NEK4: variants seen among roughly 807,000 people sequenced by gnomAD.
The protein encoded by NEK4 is NIMA related kinase 4.
Under a neutral mutation model 98.4 loss-of-function variants are expected in NEK4, and 86 were observed. The observed-to-expected ratio is 0.87, with a 90% CI of 0.73 to 1.05. The LOEUF (loss-of-function observed/expected upper bound fraction) is 1.05. Ranked by LOEUF, NEK4 falls within the 50% of genes least tolerant of loss-of-function variation. NEK4 has a pLI of 0.00. For synonymous variants in NEK4, 328 were observed against 342.2 expected (o/e 0.96, Z 0.46); for missense variants, 898 against 950.3 (o/e 0.94, Z 0.72).
chr3:52,733,019 ATTC>A (rs2097371404), intron 15 of NEK4: 3 of 210,024 alleles, frequency 1.4e-5, no homozygotes, highest in African/African-American at 7.0e-5. Flanking sequence ...CTTCAAAAAA[ATTC>A]TTCTAGTGTT....
intron 4 of NEK4, among the ~76,000 whole-genome samples, chr3:52,765,240 A>G (rs917032520): frequency 6.6e-6 from 1 of 151,998 alleles, no homozygotes. Context: ...AATCCCAGCT[A>G]CTTGGTAAGC....
At chr3:52,757,755 CAT>C (rs1012352047) in intron 6 of NEK4, among the ~76,000 whole-genome samples, 1 of 152,118 alleles carries the variant, frequency 6.6e-6, no homozygotes, top group African/African-American at 2.4e-5. Context: ...GTAATTCTGA[CAT>C]ATGTCACAAC....
chr3:52,765,768 T>C (rs1698534143), intron 4 of NEK4, 119 bp downstream of exon 4: 5 of 655,100 alleles, frequency 7.6e-6, no homozygotes, highest in South Asian at 1.9e-5. Context: ...TTGTTAACTA[T>C]CAACCCAATC....
chr3:52,764,037 C>A (rs912026088), intron 4 of NEK4, among the ~76,000 whole-genome samples: 2 of 152,320 alleles, frequency 1.3e-5, no homozygotes, highest in South Asian at 4.1e-4. Flanking sequence ...GTAATCCCAG[C>A]ACTTTGGGAG....
intron 7 of NEK4, among the ~76,000 whole-genome samples, chr3:52,750,826 G>T (rs1293818494): frequency 6.6e-6 from 1 of 152,108 alleles, no homozygotes. Flanking sequence ...AGCTACTCAG[G>T]AGGCTGAGGC....
chr3:52,766,312 T>C lies in NEK4; in HGVS notation c.424A>G (p.Thr142Ala). 1 of 1,614,118 alleles carries C rather than the reference T, an allele frequency of 6.2e-7. No homozygotes were observed. The change falls in exon 3 of 16, where the codon ACA becomes GCA. Residue 142 changes from threonine to alanine, a missense_variant. By Grantham distance (58) the Thr-to-Ala change is moderately conservative (BLOSUM62 0). Transcript: ENST00000233027. Reference protein sequence around the residue: ...LKTQNVFLTRTNIIKVGDLGI... With the variant: ...LKTQNVFLTRANIIKVGDLGI... ...AGGTCCCCTACTTTGATGATGTTTG[T>C]TCTTGTTAGGAAGACATTTTGAGTT...
intron 1 of NEK4, 75 bp from the exon 2 acceptor site, chr3:52,768,679 C>T (rs1268829624): frequency 1.4e-6 from 2 of 1,417,858 alleles, no homozygotes; most frequent in Non-Finnish European, 1.9e-6. Context: ...TCTAAGGGCT[C>T]TCAAGAATAC....
chr3:52,759,863 G>GA (rs1698294112), intron 6 of NEK4, among the ~76,000 whole-genome samples: 1 of 152,088 alleles, frequency 6.6e-6, no homozygotes, highest in Admixed American at 6.5e-5. Flanking sequence ...GATAAACAGT[G>GA]GTATATCCAC....
intron 5 of NEK4, among the ~76,000 whole-genome samples, chr3:52,762,880 CA>C (rs546388079): frequency 2.0e-5 from 3 of 148,914 alleles, no homozygotes; most frequent in Admixed American, 6.7e-5. Context: ...GACTCCATCT[CA>C]AAAAAAAACA....
intron 2 of NEK4, among the ~76,000 whole-genome samples, chr3:52,766,858 C>T (rs942881748): frequency 7.2e-5 from 11 of 151,934 alleles, no homozygotes; most frequent in African/African-American, 1.9e-4. Flanking sequence ...CAGTGGCGGG[C>T]GCCTGTAGTC....
At chr3:52,752,900 C>CAAAAAAAAAAAAAAAAAAAAAA (rs71087016) in intron 6 of NEK4, among the ~76,000 whole-genome samples, 3 of 49,930 alleles carry the variant, frequency 6.0e-5, no homozygotes, top group Non-Finnish European at 7.7e-5. Flanking sequence ...AACCCTGCCT[C>CAAAAAAAAAAAAAAAAAAAAAA]AAAAAAAAAA....
intron 15 of NEK4, among the ~76,000 whole-genome samples, chr3:52,724,901 T>C (rs978611907): frequency 3.9e-5 from 6 of 152,188 alleles, no homozygotes; most frequent in Admixed American, 3.9e-4. Context: ...TATACATATA[T>C]CAGAACATCA....
intron 15 of NEK4, among the ~76,000 whole-genome samples, chr3:52,718,914 C>T (rs773273855): frequency 1.3e-5 from 2 of 152,204 alleles, no homozygotes; most frequent in East Asian, 1.9e-4. Context: ...TGCCCCACCA[C>T]GCCTGGCTAA....
At chr3:52,755,127 A>C (rs975346680) in intron 6 of NEK4, among the ~76,000 whole-genome samples, 1 of 151,800 alleles carries the variant, frequency 6.6e-6, no homozygotes, top group African/African-American at 2.4e-5. Flanking sequence ...TGAAAAAAAA[A>C]AAAAGAAAGA....
chr3:52,719,482 C>T (rs2097358207), intron 15 of NEK4, among the ~76,000 whole-genome samples: 1 of 151,386 alleles, frequency 6.6e-6, no homozygotes, highest in Admixed American at 6.6e-5. Context: ...ACTCGGAAGG[C>T]TGAGGCAGGA....
chr3:52,708,623 T>C lies in NEK4; in HGVS notation c.*3154A>G, dbSNP rs1259443911. 1 of 152,210 alleles carries C rather than the reference T, an allele frequency of 6.6e-6. No homozygotes were observed. The highest frequency in any genetic ancestry group is 1.5e-5 in the Non-Finnish European group (1 of 68,040). The allele number at this position is 152,210 out of a possible 1,614,324, so 9.4% of individuals were successfully genotyped here. A position where few individuals can be genotyped will look rare whatever the true frequency, so the allele number is the denominator to read the frequency against. ...AAAACATTTCCATCACAAAGTTCCATTTATCAGATCTTATATAGAACCTTG... is the reference window on the plus strand; with the variant it reads ...AAAACATTTCCATCACAAAGTTCCACTTATCAGATCTTATATAGAACCTTG... On this transcript the variant is annotated 3_prime_UTR_variant, in exon 16 of 16. Transcript: ENST00000233027.
chr3:52,728,886 C>G (rs556545024), intron 15 of NEK4, among the ~76,000 whole-genome samples: 1 of 152,064 alleles, frequency 6.6e-6, no homozygotes, highest in African/African-American at 2.4e-5. Context: ...CTGAAATATG[C>G]CCTGGTCTCC....
intron 13 of NEK4, among the ~76,000 whole-genome samples, 186 bp from the exon 14 acceptor site, chr3:52,739,820 G>T (rs999108118): frequency 1.3e-5 from 2 of 152,090 alleles, no homozygotes; most frequent in African/African-American, 4.8e-5. Flanking sequence ...ACTCAACAAC[G>T]TAAAGGGAAT....
At chr3:52,750,539 TCAAA>T (rs770951548) in intron 7 of NEK4, among the ~76,000 whole-genome samples, 13 of 151,884 alleles carry the variant, frequency 8.6e-5, no homozygotes, top group Non-Finnish European at 1.5e-4. Context: ...AGAGTGAGAC[TCAAA>T]CAAACAAAAA....
Sources: allele counts gnomAD v4.1 joint callset (sites outside exome capture counted in the v4.1 genomes callset), GRCh38; gene constraint gnomAD v4.1.1; transcripts MANE v1.5; gene names NCBI Gene and HGNC (gene_info 2026-07-23, HGNC 2026-07-21).